R3HDM1: variants seen among roughly 807,000 people sequenced by gnomAD.
R3HDM1 encodes the protein R3H domain-containing protein 1.
A neutral mutation model predicts 141.1 loss-of-function variants in R3HDM1; 46 were observed. That is an observed-to-expected ratio of 0.33 (90% confidence interval 0.26 to 0.42). The LOEUF (loss-of-function observed/expected upper bound fraction) is 0.42, where lower values mean the gene tolerates loss of function less well. Ranked by LOEUF, R3HDM1 falls within the 10% of genes least tolerant of loss-of-function variation. R3HDM1 has a pLI of 1.00. For synonymous variants in R3HDM1, 435 were observed against 472.9 expected, an observed-to-expected ratio of 0.92 and a Z score of 1.04; for missense variants, 1,184 against 1,368.3, an observed-to-expected ratio of 0.87 and a Z score of 2.12.
At chr2:135,604,750 C>T in intron 2 of R3HDM1, 56 bp from the exon 3 acceptor site, 3 of 1,295,752 alleles carry the variant, frequency 2.3e-6, no homozygotes, top group Non-Finnish European at 3.3e-6. Context: ...AGGTCAGTAT[C>T]ATGCAGTAAC....
intron 3 of R3HDM1, among the ~76,000 whole-genome samples, chr2:135,610,170 C>G (rs2060406638): frequency 6.6e-6 from 1 of 152,200 alleles, no homozygotes; most frequent in African/African-American, 2.4e-5. Context: ...CTTTCCCATT[C>G]TTTTACAGTT....
Position 135,675,344 on chromosome 2 carries a change from T to C in R3HDM1, c.2165T>C (p.Ile722Thr). 6.2e-7 allele frequency: 1 copy of C among 1,613,928 alleles called. No individual in the cohort carries two copies. Among genetic ancestry groups the C allele is most frequent in the Non-Finnish European group, 8.5e-7 (1 of 1,179,878 alleles). ...TGTACCATTACAGGTTATCAAGTTA[T>C]ACCCAACCAGCAGCAAAACTACCAA... The part of the protein sequence containing the change: ...QPAQQTGYQV[I>T]PNQQQNYQGI... Residue 722 changes from isoleucine (I) to threonine (T), a missense_variant, in exon 20 of 27, where the codon ATA becomes ACA. This residue lies in a region of R3HDM1 where 563 missense variants were observed against 562.0 expected (regional missense o/e 1.00). Transcript: ENST00000683871.
At chr2:135,595,490 G>A (rs548652272) in intron 1 of R3HDM1, among the ~76,000 whole-genome samples, 1 of 152,182 alleles carries the variant, frequency 6.6e-6, no homozygotes. Context: ...TGAAAAAGCT[G>A]CTTAATCTTC....
At chr2:135,580,587 A>G (rs1706586181) in intron 1 of R3HDM1, among the ~76,000 whole-genome samples, 3 of 152,192 alleles carry the variant, frequency 2.0e-5, no homozygotes, top group Non-Finnish European at 4.4e-5. Context: ...TTTAAGTGAA[A>G]AATCTGTACA....
chr2:135,709,446 T>A lies in R3HDM1; in HGVS notation c.2473T>A (p.Tyr825Asn). 6 of 1,614,156 alleles carry A rather than the reference T, an allele frequency of 3.7e-6. No homozygotes were observed. Among genetic ancestry groups the A allele is most frequent in the Non-Finnish European group, 5.1e-6 (6 of 1,180,022 alleles). The change falls in exon 22 of 27, where the codon TAC becomes AAC. Residue 825 changes from tyrosine to asparagine, a missense_variant. Coordinates refer to ENST00000683871, the MANE Select transcript of R3HDM1 (RefSeq NM_001378107.1). ...TTTTTTCCATAGCTCTTCAGTAGGT[T>A]ACCTGCAACATCCAGGATCAGAACA... is the stretch of plus-strand genomic sequence containing the variant. Reference protein sequence around the residue: ...QQNNLSSSVGYLQHPGSEQVQ... With the variant: ...QQNNLSSSVGNLQHPGSEQVQ...
At chr2:135,640,048 G>A (rs1254712288) in intron 14 of R3HDM1, among the ~76,000 whole-genome samples, 1 of 150,142 alleles carries the variant, frequency 6.7e-6, no homozygotes, top group Non-Finnish European at 1.5e-5. Context: ...GCAGTGAGCC[G>A]AGATCATACC....
In R3HDM1 at chr2:135,607,252, G is replaced by A. The variant is rs2060154499; in HGVS notation, c.171+2236G>A. The A allele has an allele frequency of 5.3e-6, 5 of 945,104 alleles. No homozygotes were observed. In the African/African-American group the frequency reaches 8.9e-5, roughly 17 times the overall value. The allele number at this position is 945,104 out of a possible 1,614,324, so 58.5% of individuals were successfully genotyped here. A position where few individuals can be genotyped will look rare whatever the true frequency, so the allele number is the denominator to read the frequency against. On this transcript the variant is annotated intron_variant, in intron 3 of 26. Coordinates refer to ENST00000683871, the MANE Select transcript of R3HDM1 (RefSeq NM_001378107.1). Reference sequence around the variant, plus strand: ...TCCACCTGCCTCAGCCTCCCAAACTGCTGAGATTACAGGCGTGAGCCACCG... The same window carrying A: ...TCCACCTGCCTCAGCCTCCCAAACTACTGAGATTACAGGCGTGAGCCACCG...
At chr2:135,567,482 G>T (rs560231056) in intron 1 of R3HDM1, among the ~76,000 whole-genome samples, 13 of 152,252 alleles carry the variant, frequency 8.5e-5, no homozygotes, top group African/African-American at 3.1e-4. Context: ...CTTACTGCTT[G>T]ACCAATGTTC....
At chr2:135,553,647 A>G (rs1462984702) in intron 1 of R3HDM1, among the ~76,000 whole-genome samples, 2 of 152,290 alleles carry the variant, frequency 1.3e-5, no homozygotes, top group Non-Finnish European at 2.9e-5. Context: ...GGCCGATGTT[A>G]ATATTCTGCT....
chr2:135,669,094 G>C, intron 19 of R3HDM1: 1 of 963,596 alleles, frequency 1.0e-6, no homozygotes, highest in Non-Finnish European at 1.2e-6. Context: ...CTAGACTGGA[G>C]TGCAGTGGCC....
chr2:135,637,383 A>G (rs2063362428), intron 11 of R3HDM1, among the ~76,000 whole-genome samples: 1 of 152,154 alleles, frequency 6.6e-6, no homozygotes, highest in African/African-American at 2.4e-5. Flanking sequence ...GGCCAGGCAC[A>G]GTGACTCACA....
chr2:135,558,960 T>A (rs1187047180), intron 1 of R3HDM1: 2 of 941,752 alleles, frequency 2.1e-6, no homozygotes, highest in African/African-American at 3.5e-5. Flanking sequence ...GTTTAAAGGG[T>A]TACTACTTTT....
intron 7 of R3HDM1, 55 bp downstream of exon 7, chr2:135,622,787 A>G (rs2061633151): frequency 2.7e-6 from 4 of 1,478,834 alleles, no homozygotes; most frequent in South Asian, 1.3e-5. Context: ...TAATTTTGCT[A>G]TATATGTTTT....
intron 1 of R3HDM1, among the ~76,000 whole-genome samples, chr2:135,573,217 C>T (rs1003281900): frequency 2.6e-5 from 4 of 152,122 alleles, no homozygotes; most frequent in Non-Finnish European, 5.9e-5. Flanking sequence ...TAGCTAAAGA[C>T]AGTAGTGGTC....
rs968445951 is a variant in R3HDM1 at position 135,563,566 on chromosome 2, C to G, written c.-250+31933C>G. On this transcript the variant is annotated intron_variant, in intron 1 of 26. Coordinates refer to ENST00000683871, the MANE Select transcript of R3HDM1 (RefSeq NM_001378107.1). ...GGTATTTGGTATAAAATCATAACAACTATCTTTGTAGGACTCCATAATGAT... is the reference window on the plus strand; with the variant it reads ...GGTATTTGGTATAAAATCATAACAAGTATCTTTGTAGGACTCCATAATGAT... 1.8e-4 allele frequency among the ~76,000 whole-genome samples: 28 copies of G among 152,134 alleles called. 1 individual carries two copies. Among genetic ancestry groups the G allele is most frequent in the African/African-American group, 6.8e-4 (28 of 41,416 alleles).
At chr2:135,623,898 T>C (rs968438510) in intron 7 of R3HDM1, among the ~76,000 whole-genome samples, 9 of 152,128 alleles carry the variant, frequency 5.9e-5, no homozygotes, top group African/African-American at 2.2e-4. Flanking sequence ...GGCCACAACC[T>C]CTGAAAGGAT....
intron 1 of R3HDM1, among the ~76,000 whole-genome samples, chr2:135,535,344 C>G (rs1695833740): frequency 6.6e-6 from 1 of 151,858 alleles, no homozygotes; most frequent in South Asian, 2.1e-4. Flanking sequence ...ACTAAAAATA[C>G]AAAAATTAGT....
intron 1 of R3HDM1, among the ~76,000 whole-genome samples, chr2:135,573,896 T>A (rs1011114435): frequency 6.6e-6 from 1 of 152,056 alleles, no homozygotes; most frequent in Non-Finnish European, 1.5e-5. Flanking sequence ...AATAAAAAAA[T>A]TTATAGCAGT....
chr2:135,638,866 G>A (rs1387777493), intron 13 of R3HDM1, 30 bp from the exon 14 acceptor site: 29 of 1,612,180 alleles, frequency 1.8e-5, no homozygotes, highest in Non-Finnish European at 2.3e-5. Context: ...CCCTGCATTA[G>A]CTTTTCAAGG....
Sources: allele counts gnomAD v4.1 joint callset (sites outside exome capture counted in the v4.1 genomes callset), GRCh38; gene constraint gnomAD v4.1.1; regional missense constraint gnomAD v4.1.1; transcripts MANE v1.5; gene names NCBI Gene and HGNC (gene_info 2026-07-23, HGNC 2026-07-21).